Variants in LOC131768270 observed in about 807,000 individuals in gnomAD.
chr5:140,566,684 G>A, the LOC131768270 span: 20,408 of 521,916 alleles, frequency 0.039, 544 homozygotes, highest in Middle Eastern at 0.056. Flanking sequence ...GCATCTATGC[G>A]GCTCAGGCAT....
the LOC131768270 span, chr5:140,566,484 AT>A: frequency 4.7e-5 from 19 of 400,622 alleles, no homozygotes; most frequent in Admixed American, 1.7e-4. Context: ...TGGTGGTGGA[AT>A]GCTCTAATCC....
the LOC131768270 span, chr5:140,568,245 A>C: frequency 6.4e-7 from 1 of 1,573,432 alleles, no homozygotes; most frequent in Non-Finnish European, 8.7e-7. Context: ...CAGCCCTGTA[A>C]CAAGTGCCTT....
At chr5:140,568,026 C>G in the LOC131768270 span, 2 of 1,613,992 alleles carry the variant, frequency 1.2e-6, no homozygotes, top group Non-Finnish European at 1.7e-6. Flanking sequence ...GTGTCCTGCT[C>G]GCTGGTGGTC....
At chr5:140,565,612 T>TA in the LOC131768270 span, 1 of 271,690 alleles carries the variant, frequency 3.7e-6, no homozygotes, top group Non-Finnish European at 6.8e-6. Flanking sequence ...CTTTCCTACA[T>TA]ACTGCTTGCT....
At chr5:140,567,277 G>A in the LOC131768270 span, 1 of 1,614,154 alleles carries the variant, frequency 6.2e-7, no homozygotes, top group South Asian at 1.1e-5. Context: ...ATGCCCCATT[G>A]CTGGCACTGT....
chr5:140,567,850 T>C, the LOC131768270 span: 6 of 1,614,180 alleles, frequency 3.7e-6, no homozygotes, highest in African/African-American at 8.0e-5. Context: ...TCTACACTTT[T>C]GGTGTGCTTC....
the LOC131768270 span, chr5:140,565,973 TAA>T: frequency 2.5e-6 from 1 of 398,862 alleles, no homozygotes; most frequent in Non-Finnish European, 4.4e-6. Flanking sequence ...GTGGGCCAGG[TAA>T]GGACTGTCCC....
the LOC131768270 span, chr5:140,567,160 TTG>T: frequency 6.2e-7 from 1 of 1,614,238 alleles, no homozygotes; most frequent in African/African-American, 1.3e-5. Context: ...ACCCAGGGTC[TTG>T]TGTGGGTATG....
the LOC131768270 span, chr5:140,565,438 C>T: frequency 6.4e-6 from 1 of 156,682 alleles, no homozygotes; most frequent in Admixed American, 6.5e-5. Flanking sequence ...GTCCATTACT[C>T]ACCATTGGTC....
At chr5:140,566,969 C>T in the LOC131768270 span, 1 of 808,938 alleles carries the variant, frequency 1.2e-6, no homozygotes, top group Non-Finnish European at 2.1e-6. Context: ...GGGACTCGCC[C>T]CAAGACTGTG....
At chr5:140,567,835 C>T in the LOC131768270 span, 1 of 1,614,164 alleles carries the variant, frequency 6.2e-7, no homozygotes, top group Non-Finnish European at 8.5e-7. Flanking sequence ...TTCAGAACCT[C>T]TTCCTCTACA....
At chr5:140,567,695 G>C in the LOC131768270 span, 1 of 1,614,054 alleles carries the variant, frequency 6.2e-7, no homozygotes, top group Non-Finnish European at 8.5e-7. Flanking sequence ...TCCAGCAGCT[G>C]CTGCCAGCCC....
At chr5:140,567,045 C>G in the LOC131768270 span, 1 of 1,473,816 alleles carries the variant, frequency 6.8e-7, no homozygotes, top group African/African-American at 1.4e-5. Context: ...TGCCTCTGAT[C>G]CTCAGTATTC....
chr5:140,567,180 A>T, the LOC131768270 span: 1 of 1,614,172 alleles, frequency 6.2e-7, no homozygotes, highest in Admixed American at 1.7e-5. Flanking sequence ...ATGAGTGTAG[A>T]GGATGGGGGT....
the LOC131768270 span, chr5:140,568,398 TA>T: frequency 1.7e-6 from 1 of 582,432 alleles, no homozygotes; most frequent in Non-Finnish European, 3.1e-6. Flanking sequence ...TCTTCCAGAC[TA>T]AAGAATTAAG....
chr5:140,565,589 C>T, the LOC131768270 span: 1 of 227,182 alleles, frequency 4.4e-6, no homozygotes, highest in East Asian at 8.7e-5. Flanking sequence ...AGGTCCCTAG[C>T]TGTCCCTCCT....
the LOC131768270 span, chr5:140,569,054 TTAA>T: frequency 3.0e-5 from 5 of 167,080 alleles, no homozygotes; most frequent in African/African-American, 1.2e-4. Flanking sequence ...CAATAAGATC[TTAA>T]TAAAGTCTTC....
At chr5:140,567,364 C>T in the LOC131768270 span, 13 of 1,614,204 alleles carry the variant, frequency 8.1e-6, no homozygotes, top group African/African-American at 5.3e-5. Flanking sequence ...TACTGTTATG[C>T]GCCTTCTCCC....
chr5:140,568,175 C>T, the LOC131768270 span: 4 of 1,613,464 alleles, frequency 2.5e-6, no homozygotes, highest in South Asian at 4.4e-5. Context: ...GATTCCGGAC[C>T]CTGTAGATTG....
Sources: gnomAD v4.1 joint callset for allele counts on GRCh38, gnomAD v4.1.1 for gene constraint, MANE v1.5 for transcripts.